The following DLG2 variants were observed in gnomAD, a reference collection of about 807,000 sequenced individuals.
DLG2 encodes the protein disks large homolog 2.
DLG2 carries 45 observed loss-of-function variants against 132.5 expected under a neutral mutation model. That is an observed-to-expected ratio of 0.34 (90% CI 0.27 to 0.44). The LOEUF is 0.44. DLG2 is among the 20% of genes least tolerant of loss of function. The pLI is 1.00. For missense variants in DLG2, 1,045 were observed against 1,196.9 expected (o/e 0.87, Z 1.87); for synonymous variants, 424 against 419.6 (o/e 1.01, Z -0.13).
intron 8 of DLG2, among the ~76,000 whole-genome samples, chr11:84,197,843 T>A (rs1473229477): frequency 1.3e-5 from 2 of 152,070 alleles, no homozygotes; most frequent in Non-Finnish European, 2.9e-5. Flanking sequence ...CAGCCTAGAG[T>A]TTCTCAGATA....
intron 8 of DLG2, among the ~76,000 whole-genome samples, chr11:84,189,468 C>G (rs904238092): frequency 5.9e-5 from 9 of 152,194 alleles, no homozygotes; most frequent in African/African-American, 2.2e-4. Flanking sequence ...AATCCAATTA[C>G]TGGGTATATA....
intron 18 of DLG2, among the ~76,000 whole-genome samples, chr11:83,644,164 C>G (rs79701964): frequency 0.012 from 1,788 of 152,240 alleles, 38 homozygotes; most frequent in African/African-American, 0.04. Flanking sequence ...CAGCACTCAG[C>G]ATACATACAA....
At chr11:84,783,761 G>T (rs1389072421) in intron 6 of DLG2, among the ~76,000 whole-genome samples, 2 of 152,024 alleles carry the variant, frequency 1.3e-5, no homozygotes, top group African/African-American at 4.8e-5. Flanking sequence ...AAAGGTTTTT[G>T]ATTCCTGTTT....
chr11:84,902,676 G>T (rs2091034036), intron 6 of DLG2, among the ~76,000 whole-genome samples: 2 of 152,094 alleles, frequency 1.3e-5, no homozygotes, highest in Non-Finnish European at 2.9e-5. Flanking sequence ...TTTCCAGCTT[G>T]CTATTCACAC....
At chr11:83,790,454 C>A (rs750169165) in intron 17 of DLG2, 5 of 1,169,060 alleles carry the variant, frequency 4.3e-6, no homozygotes, top group Non-Finnish European at 6.4e-6. Context: ...ATCTTTTTAG[C>A]TCCTCTGTAA....
At chr11:84,337,116 T>A (rs1331904191) in intron 7 of DLG2, among the ~76,000 whole-genome samples, 3 of 152,232 alleles carry the variant, frequency 2.0e-5, no homozygotes, top group African/African-American at 7.2e-5. Context: ...TGGGTAAGTT[T>A]ATTCAACTCT....
At chr11:84,088,238 C>T (rs1264268622) in intron 10 of DLG2, among the ~76,000 whole-genome samples, 1 of 152,122 alleles carries the variant, frequency 6.6e-6, no homozygotes, top group East Asian at 1.9e-4. Flanking sequence ...ACATTTTCTT[C>T]TAAGACTTTT....
intron 7 of DLG2, among the ~76,000 whole-genome samples, chr11:84,350,447 A>G (rs188579782): frequency 3.9e-4 from 59 of 152,280 alleles, no homozygotes; most frequent in African/African-American, 1.3e-3. Flanking sequence ...ATCCACATCT[A>G]TGTAAGAGAA....
At chr11:85,221,386 A>G (rs1456674778) in intron 4 of DLG2, among the ~76,000 whole-genome samples, 1 of 152,088 alleles carries the variant, frequency 6.6e-6, no homozygotes, top group South Asian at 2.1e-4. Context: ...AACTCATTCA[A>G]TCAGAGAATA....
intron 15 of DLG2, among the ~76,000 whole-genome samples, chr11:83,927,063 C>G (rs2154126732): frequency 6.6e-6 from 1 of 152,226 alleles, no homozygotes; most frequent in Middle Eastern, 3.4e-3. Flanking sequence ...TTCATTCATT[C>G]ATGGAGTAGT....
chr11:85,476,118 G>A (rs1325197160), intron 3 of DLG2, among the ~76,000 whole-genome samples: 1 of 152,070 alleles, frequency 6.6e-6, no homozygotes, highest in African/African-American at 2.4e-5. Context: ...AGGCTACATG[G>A]TATAGCCTAT....
chr11:84,842,469 T>C lies in DLG2; in HGVS notation c.357+269192A>G, dbSNP rs116024787. On this transcript the variant is annotated intron_variant, in intron 6 of 27. Coordinates refer to ENST00000376104, the MANE Select transcript of DLG2 (RefSeq NM_001142699.3). ...ACACATTCACTACTGAGCAGGGTGA[T>C]GTCAAAGAAATAAGTTCTAGAAGTT... Among the ~76,000 whole-genome samples the C allele has an allele frequency of 7.1e-3, 1,082 of 152,068 alleles. 15 individuals carry two copies. The highest frequency in any genetic ancestry group is 0.025 in the African/African-American group (1,040 of 41,526).
chr11:84,859,736 T>A (rs555069254), intron 6 of DLG2, among the ~76,000 whole-genome samples: 2 of 151,762 alleles, frequency 1.3e-5, no homozygotes, highest in Non-Finnish European at 2.9e-5. Context: ...GCAAAATACC[T>A]CTGATCTCTT....
Position 85,357,238 on chromosome 11 carries a change from T to TTGTGTGTGTGTGTG in DLG2, c.41-71887_41-71874dup, listed in dbSNP as rs71036472. Among the ~76,000 whole-genome samples, 79 of 118,198 alleles carry TTGTGTGTGTGTGTG rather than the reference T, an allele frequency of 6.7e-4. 1 individual carries two copies. The highest frequency in any genetic ancestry group is 1.1e-3 in the Admixed American group (12 of 11,032). 77.5% of individuals were successfully genotyped at this position (118,198 alleles called of 152,430 possible). A position where few individuals can be genotyped will look rare whatever the true frequency, so the allele number is the denominator to read the frequency against. ...TATCAGATTCCTTTCAATATCCTCT[T>TTGTGTGTGTGTGTG]TGTGTGTGTGTGTGTGTGTGTGTGT... is the stretch of plus-strand genomic sequence containing the variant. On this transcript the variant is annotated intron_variant, in intron 3 of 27. Transcript: ENST00000376104.
chr11:84,631,004 TCTCTCTCTCTCTCTCACACA>T, intron 6 of DLG2, among the ~76,000 whole-genome samples: 1 of 128,874 alleles, frequency 7.8e-6, no homozygotes, highest in South Asian at 2.7e-4. Flanking sequence ...TCTCTCTCTC[TCTCTCTCTCTCTCTCACACA>T]CACACACACA....
chr11:85,088,601 A>G (rs1373041648), intron 6 of DLG2, among the ~76,000 whole-genome samples: 1 of 152,232 alleles, frequency 6.6e-6, no homozygotes, highest in Non-Finnish European at 1.5e-5. Context: ...ATAAAAAGAA[A>G]GCATTATTTT....
chr11:84,719,955 TC>T (rs1206052186), intron 6 of DLG2, among the ~76,000 whole-genome samples: 1 of 152,104 alleles, frequency 6.6e-6, no homozygotes, highest in East Asian at 1.9e-4. Flanking sequence ...GTTCAGGAGC[TC>T]CCAAATTAGC....
intron 3 of DLG2, among the ~76,000 whole-genome samples, chr11:85,588,443 T>C (rs2079102410): frequency 6.6e-6 from 1 of 152,202 alleles, no homozygotes; most frequent in South Asian, 2.1e-4. Flanking sequence ...TCTGACATTC[T>C]TTTTCCTACT....
chr11:83,493,144 T>C (rs2093953940), intron 21 of DLG2, among the ~76,000 whole-genome samples: 1 of 152,110 alleles, frequency 6.6e-6, no homozygotes, highest in Non-Finnish European at 1.5e-5. Flanking sequence ...CAAGATTTCC[T>C]TGAATCTTGA....
Sources: allele counts gnomAD v4.1 joint callset (sites outside exome capture counted in the v4.1 genomes callset), GRCh38; gene constraint gnomAD v4.1.1; transcripts MANE v1.5; gene names NCBI Gene and HGNC (gene_info 2026-07-23, HGNC 2026-07-21).